GTF3C2: variants seen among roughly 807,000 people sequenced by gnomAD.
GTF3C2 encodes general transcription factor 3C polypeptide 2.
In GTF3C2, 17 loss-of-function variants were observed where a neutral mutation model predicts 117.4. The ratio of observed to expected loss-of-function variants is 0.14; its 90% CI spans 0.10 to 0.22. The LOEUF is 0.22. Among genes scored for constraint, GTF3C2 ranks in the 10% least tolerant of loss-of-function variants. GTF3C2 has a pLI of 1.00. For missense variants in GTF3C2, 888 were observed against 1,143.6 expected (o/e 0.78, Z 3.22); for synonymous variants, 437 against 427.0 (o/e 1.02, Z -0.29).
intron 9 of GTF3C2, 53 bp downstream of exon 9, chr2:27,335,862 CCT>C: frequency 8.0e-7 from 1 of 1,246,058 alleles, no homozygotes. Flanking sequence ...ATTCCCAGGG[CCT>C]CTTTGTCCTG....
intron 3 of GTF3C2, chr2:27,342,444 A>C (rs1227036220): frequency 3.3e-5 from 19 of 572,592 alleles, no homozygotes; most frequent in East Asian, 3.1e-4. Context: ...CAAATGTGGA[A>C]TCTGAACCCA....
At chr2:27,353,915 G>T (rs1038040685) in intron 1 of GTF3C2, among the ~76,000 whole-genome samples, 9 of 151,768 alleles carry the variant, frequency 5.9e-5, no homozygotes, top group African/African-American at 9.7e-5. Context: ...TAGAGACAGG[G>T]TCTCAACTAT....
chr2:27,334,818 A>AT (rs943011440), intron 10 of GTF3C2, among the ~76,000 whole-genome samples: 9 of 151,908 alleles, frequency 5.9e-5, no homozygotes, highest in Admixed American at 1.3e-4. Context: ...ACTTTTAAAA[A>AT]TTTTTTTGTC....
chr2:27,343,030 G>A lies in GTF3C2; in HGVS notation c.365C>T (p.Ala122Val), dbSNP rs375557112. 97 of 1,614,078 alleles carry A rather than the reference G, an allele frequency of 6.0e-5. No individual in the cohort carries two copies. The South Asian group carries it at 7.8e-4, about 13-fold the overall frequency. The change falls in exon 3 of 19, where the codon GCC becomes GTC. Residue 122 changes from alanine (A) to valine (V), a missense_variant. Around this residue, in one of 7 missense-constraint regions of GTF3C2, gnomAD observed 393 missense variants for 401.5 expected, o/e 0.98. Coordinates refer to ENST00000264720, the Ensembl canonical transcript of GTF3C2. The stretch of plus-strand genomic sequence containing the variant: ...ATCTAAGAGACCAGGAACCAGTGGG[G>A]CTGATGGAGGATTAGGCTGTTGGGG...
chr2:27,347,687 G>C (rs1017073903), intron 1 of GTF3C2, among the ~76,000 whole-genome samples: 2 of 152,218 alleles, frequency 1.3e-5, no homozygotes, highest in African/African-American at 4.8e-5. Context: ...CAAATGGATT[G>C]TGAAATCCAA....
At chr2:27,333,518 T>C in intron 12 of GTF3C2, 137 bp downstream of exon 12, 2 of 177,904 alleles carry the variant, frequency 1.1e-5, no homozygotes, top group South Asian at 1.3e-4. Flanking sequence ...TTTCTTTCTA[T>C]TTTTTTTTTT....
chr2:27,328,420 C>A (rs1680161728), intron 16 of GTF3C2, 48 bp downstream of exon 16: 1 of 1,602,050 alleles, frequency 6.2e-7, no homozygotes, highest in African/African-American at 1.3e-5. Flanking sequence ...TTTGGGAGGG[C>A]ATGTGGGTTA....
chr2:27,343,527 C>T, exon 2 of GTF3C2: 1 of 1,613,760 alleles, frequency 6.2e-7, no homozygotes, highest in African/African-American at 1.3e-5. Context: ...TCCCCCAGGG[C>T]AACATAGCCG....
intron 1 of GTF3C2, among the ~76,000 whole-genome samples, chr2:27,347,453 C>T (rs993030521): frequency 1.3e-5 from 2 of 152,190 alleles, no homozygotes; most frequent in African/African-American, 4.8e-5. Context: ...TACATTATAA[C>T]ACTGCCAAGG....
In GTF3C2 at chr2:27,328,457, CG is replaced by C; in HGVS notation, c.2256+10del. On this transcript the variant is annotated intron_variant, in intron 16 of 18. Coordinates refer to ENST00000264720, the Ensembl canonical transcript of GTF3C2. Reference sequence around the variant, plus strand: ...GATCCAACAGCTGCTGTTAGATGTTCGTATACGTACAAATCTTCGCTCTACA... The same window carrying C: ...GATCCAACAGCTGCTGTTAGATGTTCTATACGTACAAATCTTCGCTCTACA... 1 of 1,613,776 alleles carries C rather than the reference CG, an allele frequency of 6.2e-7. No homozygotes were observed. Among genetic ancestry groups the C allele is most frequent in the Non-Finnish European group, 8.5e-7 (1 of 1,179,734 alleles).
chr2:27,342,060 A>C, exon 4 of GTF3C2: 1 of 1,614,028 alleles, frequency 6.2e-7, no homozygotes, highest in Non-Finnish European at 8.5e-7. Context: ...CTGGAGAAAA[A>C]AGTCTTCATC....
chr2:27,329,795 A>G lies in GTF3C2; in HGVS notation c.1733-272T>C, dbSNP rs970430976. Among the ~76,000 whole-genome samples the G allele has an allele frequency of 6.6e-6, 1 of 151,738 alleles. No individual in the cohort carries two copies. The highest frequency in any genetic ancestry group is 2.4e-5 in the African/African-American group (1 of 41,108). On this transcript the variant is annotated intron_variant, in intron 12 of 18. Coordinates refer to ENST00000264720, the Ensembl canonical transcript of GTF3C2. The surrounding 1 kb of genome is among the most constrained non-coding windows in gnomAD (Gnocchi z 4.5). ...GATAGGGTGAACACACCTAGTGCAG[A>G]GAGTAGAATGCACCTCTCTCTACTC... is the stretch of plus-strand genomic sequence containing the variant.
chr2:27,337,217 A>C (rs757156686), intron 7 of GTF3C2, 27 bp downstream of exon 7: 2 of 1,366,556 alleles, frequency 1.5e-6, no homozygotes, highest in Non-Finnish European at 1.0e-6. Context: ...CTAGAATCAG[A>C]AAAAAGGGCG....
chr2:27,332,857 A>G (rs1377603158), intron 12 of GTF3C2, among the ~76,000 whole-genome samples: 1 of 151,940 alleles, frequency 6.6e-6, no homozygotes, highest in Non-Finnish European at 1.5e-5. Context: ...TTGGGACTAC[A>G]GGTGCAATCT....
At chr2:27,355,007 C>T (rs912546103) in intron 1 of GTF3C2, among the ~76,000 whole-genome samples, 5 of 152,150 alleles carry the variant, frequency 3.3e-5, no homozygotes, top group East Asian at 1.9e-4. Context: ...AGAACATGCA[C>T]ATTTCAAAAT....
intron 1 of GTF3C2, among the ~76,000 whole-genome samples, chr2:27,353,206 A>C (rs1442201737): frequency 6.6e-6 from 1 of 152,102 alleles, no homozygotes; most frequent in East Asian, 1.9e-4. Flanking sequence ...CATCCTGGCC[A>C]ACATGGTGAA....
At chr2:27,356,530 G>C (rs1681392372) in intron 1 of GTF3C2, 1 of 225,816 alleles carries the variant, frequency 4.4e-6, no homozygotes, top group African/African-American at 2.2e-5. Context: ...CCCGAGGCTT[G>C]CAGAGATGGG....
intron 16 of GTF3C2, 102 bp from the exon 17 acceptor site, chr2:27,328,291 G>A: frequency 9.5e-7 from 1 of 1,050,224 alleles, no homozygotes; most frequent in Non-Finnish European, 1.4e-6. Flanking sequence ...GAAAAAAGTA[G>A]TATCTTTAAA....
At chr2:27,326,816 A>G in exon 19 of GTF3C2, 1 of 1,613,978 alleles carries the variant, frequency 6.2e-7, no homozygotes, top group Non-Finnish European at 8.5e-7. Flanking sequence ...GTCCACGGAC[A>G]AAATGGATTC....
Sources: gnomAD v4.1 joint callset for allele counts (sites outside exome capture counted in the v4.1 genomes callset) on GRCh38, gnomAD v4.1.1 for gene constraint, gnomAD v4.1.1 regional missense constraint, Gnocchi (gnomAD v3.1) non-coding constraint, MANE v1.5 for transcripts, NCBI Gene and HGNC (gene_info 2026-07-23, HGNC 2026-07-21) for gene names.